ADGRF5: variants seen among roughly 807,000 people sequenced by gnomAD.
ADGRF5 encodes adhesion G protein-coupled receptor F5, also known as G-protein coupled receptor 116.
A neutral mutation model predicts 132.3 loss-of-function variants in ADGRF5; 75 were observed. That is an observed-to-expected ratio of 0.57 (90% confidence interval 0.47 to 0.69). The LOEUF is 0.69. Among genes scored for constraint, ADGRF5 ranks in the 30% least tolerant of loss-of-function variants. ADGRF5 has a pLI of 0.00. For missense variants in ADGRF5, 1,516 were observed against 1,630.6 expected (o/e 0.93, Z 1.21); for synonymous variants, 629 against 597.6 (o/e 1.05, Z -0.77).
upstream of ADGRF5, among the ~76,000 whole-genome samples, chr6:46,923,911 A>T (rs1482956204): frequency 1.3e-5 from 2 of 152,138 alleles, no homozygotes; most frequent in Non-Finnish European, 2.9e-5. Flanking sequence ...GAATTCTAAA[A>T]CGTTGGTGTT....
At chr6:46,857,535 C>T (rs931687608) in intron 17 of ADGRF5, among the ~76,000 whole-genome samples, 1 of 152,194 alleles carries the variant, frequency 6.6e-6, no homozygotes, top group Admixed American at 6.5e-5. Flanking sequence ...TATAGTTCTT[C>T]TAACAAACTG....
chr6:46,863,376 C>A (rs1194620952), intron 14 of ADGRF5: 2 of 506,074 alleles, frequency 4.0e-6, no homozygotes, highest in Non-Finnish European at 7.6e-6. Context: ...TTAGAATCAT[C>A]TGGGAAGCTT....
intron 10 of ADGRF5, 62 bp from the exon 11 acceptor site, chr6:46,872,075 A>T: frequency 8.6e-7 from 1 of 1,163,496 alleles, no homozygotes; most frequent in East Asian, 2.4e-5. Flanking sequence ...AGTAGCAAAG[A>T]GGTCAAATCA....
intron 1 of ADGRF5, among the ~76,000 whole-genome samples, chr6:46,934,265 A>T (rs1291382370): frequency 6.6e-6 from 1 of 152,268 alleles, no homozygotes; most frequent in Non-Finnish European, 1.5e-5. Flanking sequence ...TTCTATACAT[A>T]AAATTAGAGA....
chr6:46,912,472 G>A (rs982648984), intron 1 of ADGRF5, among the ~76,000 whole-genome samples: 3 of 152,122 alleles, frequency 2.0e-5, no homozygotes, highest in Admixed American at 6.6e-5. Context: ...AACATGAAAA[G>A]AGAGCAGGTG....
At chr6:46,870,934 G>T (rs1463366644) in intron 11 of ADGRF5, 2 of 333,506 alleles carry the variant, frequency 6.0e-6, no homozygotes, top group Admixed American at 3.7e-5. Context: ...GTTAAAACTA[G>T]GAATGCAAAA....
intron 3 of ADGRF5, among the ~76,000 whole-genome samples, chr6:46,899,449 G>A (rs186123285): frequency 1.5e-3 from 231 of 152,222 alleles, no homozygotes; most frequent in Non-Finnish European, 2.8e-3. Flanking sequence ...TGACACCTGC[G>A]CAGGGTCCAC....
intron 14 of ADGRF5, among the ~76,000 whole-genome samples, chr6:46,863,844 T>C (rs1003436177): frequency 2.0e-5 from 3 of 152,086 alleles, no homozygotes; most frequent in African/African-American, 4.8e-5. Flanking sequence ...CAAAGATAAG[T>C]GAATAAAATG....
intron 15 of ADGRF5, among the ~76,000 whole-genome samples, chr6:46,862,323 A>G (rs111790416): frequency 7.6e-4 from 115 of 152,288 alleles, no homozygotes; most frequent in African/African-American, 2.6e-3. Context: ...ATTTTTTTAC[A>G]TTGACAGAAG....
At chr6:46,877,712 G>C (rs1192255415) in intron 10 of ADGRF5, among the ~76,000 whole-genome samples, 1 of 152,102 alleles carries the variant, frequency 6.6e-6, no homozygotes, top group African/African-American at 2.4e-5. Flanking sequence ...CAGAGAGAGA[G>C]GGATAAAGCT....
intron 8 of ADGRF5, among the ~76,000 whole-genome samples, chr6:46,880,366 AAAC>A (rs1217559221): frequency 3.8e-4 from 58 of 152,120 alleles, no homozygotes; most frequent in African/African-American, 1.2e-3. Context: ...TATAAAAAAA[AAAC>A]AAACTTAAAT....
intron 1 of ADGRF5, among the ~76,000 whole-genome samples, chr6:46,937,842 G>A (rs1446824817): frequency 6.6e-6 from 1 of 152,162 alleles, no homozygotes; most frequent in Non-Finnish European, 1.5e-5. Flanking sequence ...AAATAAACTG[G>A]ACAAAGCGAT....
At chr6:46,938,408 A>G (rs1413250627) in intron 1 of ADGRF5, among the ~76,000 whole-genome samples, 1 of 152,152 alleles carries the variant, frequency 6.6e-6, no homozygotes, top group East Asian at 1.9e-4. Context: ...TGGCTCTTTC[A>G]GTCATCTTGG....
At chr6:46,861,214 C>T (rs544927940) in intron 15 of ADGRF5, among the ~76,000 whole-genome samples, 1 of 152,264 alleles carries the variant, frequency 6.6e-6, no homozygotes, top group Non-Finnish European at 1.5e-5. Flanking sequence ...CTTGGATAGT[C>T]GGTATGGAAG....
chr6:46,861,891 T>C (rs75959332), intron 15 of ADGRF5, among the ~76,000 whole-genome samples: 2,846 of 152,334 alleles, frequency 0.019, 49 homozygotes, highest in Non-Finnish European at 0.03. Context: ...GGATAATTTA[T>C]ATCTCTCATG....
intron 1 of ADGRF5, among the ~76,000 whole-genome samples, chr6:46,917,848 G>A (rs1337792507): frequency 6.6e-6 from 1 of 152,186 alleles, no homozygotes; most frequent in Non-Finnish European, 1.5e-5. Context: ...GTATACCTAT[G>A]TAACAAACCT....
intron 1 of ADGRF5, among the ~76,000 whole-genome samples, chr6:46,936,342 A>G (rs1484823584): frequency 5.9e-5 from 9 of 152,192 alleles, no homozygotes; most frequent in Non-Finnish European, 1.2e-4. Context: ...GCTGTTGGTC[A>G]TATGGTGCTG....
intron 15 of ADGRF5, among the ~76,000 whole-genome samples, chr6:46,861,764 C>A (rs899674425): frequency 3.9e-5 from 6 of 152,156 alleles, no homozygotes; most frequent in Non-Finnish European, 7.3e-5. Context: ...ATGGATAAAT[C>A]AAAGGAAGCA....
intron 1 of ADGRF5, among the ~76,000 whole-genome samples, chr6:46,937,299 T>C (rs1777884922): frequency 6.6e-6 from 1 of 151,676 alleles, no homozygotes; most frequent in Non-Finnish European, 1.5e-5. Flanking sequence ...CTTTCTCCCA[T>C]GTCACTGAAA....
Sources: allele counts gnomAD v4.1 joint callset (sites outside exome capture counted in the v4.1 genomes callset), GRCh38; gene constraint gnomAD v4.1.1; transcripts MANE v1.5; gene names NCBI Gene and HGNC (gene_info 2026-07-23, HGNC 2026-07-21).